The following IGSF11 variants were observed in gnomAD, a reference collection of about 807,000 sequenced individuals.
IGSF11 encodes CXADR like 1.
IGSF11 carries 22 observed loss-of-function variants against 41.0 expected under a neutral mutation model. The observed-to-expected ratio is 0.54, with a 90% CI of 0.38 to 0.77. The LOEUF (loss-of-function observed/expected upper bound fraction) is 0.77. Ranked by LOEUF, IGSF11 falls within the 30% of genes least tolerant of loss-of-function variation. The pLI, the probability that IGSF11 is intolerant of heterozygous loss-of-function variation, is 0.00. For missense variants in IGSF11, 444 were observed against 530.8 expected, an observed-to-expected ratio of 0.84 and a Z score of 1.61; for synonymous variants, 219 against 201.3, an observed-to-expected ratio of 1.09 and a Z score of -0.74.
At chr3:118,905,925 T>C (rs1939537547) in intron 4 of IGSF11, among the ~76,000 whole-genome samples, 1 of 152,158 alleles carries the variant, frequency 6.6e-6, no homozygotes, top group Non-Finnish European at 1.5e-5. Flanking sequence ...TTTGGAGCGC[T>C]GTCCTAAATC....
At chr3:119,073,497 C>T (rs1412982009) in intron 1 of IGSF11, among the ~76,000 whole-genome samples, 2 of 152,212 alleles carry the variant, frequency 1.3e-5, no homozygotes, top group Non-Finnish European at 1.5e-5. Context: ...CATGGGAGCC[C>T]ACCGTGGGGG....
intron 1 of IGSF11, among the ~76,000 whole-genome samples, chr3:118,991,242 T>A (rs1222045836): frequency 6.6e-6 from 1 of 152,192 alleles, no homozygotes; most frequent in Non-Finnish European, 1.5e-5. Context: ...ATATTCTGTA[T>A]CCCCACTAAC....
intron 3 of IGSF11, among the ~76,000 whole-genome samples, chr3:118,926,707 G>T (rs1226761514): frequency 1.3e-5 from 2 of 152,100 alleles, no homozygotes; most frequent in Non-Finnish European, 2.9e-5. Flanking sequence ...AACAAAAACT[G>T]GGCAGACCCA....
intron 1 of IGSF11, among the ~76,000 whole-genome samples, chr3:118,930,643 C>T (rs1942770476): frequency 1.3e-5 from 2 of 152,272 alleles, no homozygotes; most frequent in Admixed American, 1.3e-4. Context: ...AAATTAAATG[C>T]TTACATATAA....
Position 119,034,592 on chromosome 3 carries a change from G to T in IGSF11, c.-10C>A. On this transcript the variant is annotated 5_prime_UTR_variant, in exon 1 of 7. Transcript: ENST00000393775. ...AACGCTGAGAAGTCATCCCGGGGCCGCAGGGAGCGCGCCTGCCTCCTACCC... is the reference window on the plus strand; with the variant it reads ...AACGCTGAGAAGTCATCCCGGGGCCTCAGGGAGCGCGCCTGCCTCCTACCC... 3 of 1,584,456 alleles carry T rather than the reference G, an allele frequency of 1.9e-6. No homozygotes were observed. The highest frequency in any genetic ancestry group is 2.6e-6 in the Non-Finnish European group (3 of 1,166,940).
At chr3:118,926,894 G>GA (rs925838351) in intron 3 of IGSF11, among the ~76,000 whole-genome samples, 23 of 151,988 alleles carry the variant, frequency 1.5e-4, no homozygotes, top group African/African-American at 4.8e-4. Flanking sequence ...TAGTAACAAG[G>GA]AAAAAAACAA....
At chr3:119,057,252 G>A (rs1576743312) in intron 1 of IGSF11, among the ~76,000 whole-genome samples, 1 of 152,178 alleles carries the variant, frequency 6.6e-6, no homozygotes, top group African/African-American at 2.4e-5. Flanking sequence ...ATCTCCTTAA[G>A]CTCATAAGCA....
chr3:119,000,352 G>A (rs1005406680), intron 1 of IGSF11, among the ~76,000 whole-genome samples: 1 of 150,308 alleles, frequency 6.7e-6, no homozygotes, highest in African/African-American at 2.5e-5. Context: ...TGGAACTCCA[G>A]TCATATTTCC....
chr3:118,992,530 A>C (rs190136558), intron 1 of IGSF11, among the ~76,000 whole-genome samples: 1 of 152,362 alleles, frequency 6.6e-6, no homozygotes. Context: ...CTTCAAGACT[A>C]GCAGGGCACA....
chr3:119,051,146 T>G (rs985294937), intron 1 of IGSF11, among the ~76,000 whole-genome samples: 6 of 149,582 alleles, frequency 4.0e-5, no homozygotes, highest in Admixed American at 3.4e-4. Context: ...TAAAGTATAA[T>G]AATAATTAAT....
chr3:119,095,180 G>T (rs1316094637), intron 1 of IGSF11, among the ~76,000 whole-genome samples: 2 of 152,096 alleles, frequency 1.3e-5, no homozygotes, highest in Non-Finnish European at 2.9e-5. Context: ...ACACACTTGG[G>T]ATGGTTCATG....
chr3:119,027,873 A>T (rs916108186), intron 1 of IGSF11, among the ~76,000 whole-genome samples: 1 of 152,168 alleles, frequency 6.6e-6, no homozygotes, highest in Non-Finnish European at 1.5e-5. Flanking sequence ...TGTACCAATA[A>T]ATAAGTACAT....
At chr3:118,997,545 AC>A (rs1349747337) in intron 1 of IGSF11, among the ~76,000 whole-genome samples, 2 of 63,292 alleles carry the variant, frequency 3.2e-5, no homozygotes, top group Admixed American at 1.8e-4. Flanking sequence ...CAGCCACACC[AC>A]CCCCCTCCCC....
At chr3:118,907,293 T>C (rs766079298) in intron 4 of IGSF11, among the ~76,000 whole-genome samples, 4 of 152,214 alleles carry the variant, frequency 2.6e-5, no homozygotes, top group Non-Finnish European at 5.9e-5. Flanking sequence ...AATTCATTCA[T>C]TTAATAAATA....
intron 1 of IGSF11, among the ~76,000 whole-genome samples, chr3:118,979,709 A>G (rs1252604173): frequency 1.3e-5 from 2 of 152,250 alleles, no homozygotes; most frequent in East Asian, 3.8e-4. Flanking sequence ...CAGCTTCTGC[A>G]TAACAAAAGA....
intron 1 of IGSF11, among the ~76,000 whole-genome samples, chr3:118,971,530 C>A (rs867139462): frequency 3.9e-5 from 6 of 152,082 alleles, no homozygotes; most frequent in Non-Finnish European, 7.4e-5. Context: ...TTGGGCCGGG[C>A]GCAGTGGCTC....
chr3:118,921,699 C>T (rs544741856), intron 4 of IGSF11, among the ~76,000 whole-genome samples: 10 of 152,222 alleles, frequency 6.6e-5, no homozygotes, highest in Admixed American at 1.3e-4. Context: ...GTCTCCAGAA[C>T]TTACACTCTT....
intron 1 of IGSF11, among the ~76,000 whole-genome samples, chr3:119,047,588 T>C (rs909634599): frequency 1.3e-5 from 2 of 152,106 alleles, no homozygotes; most frequent in African/African-American, 4.8e-5. Flanking sequence ...GACAGACCAA[T>C]GAGACAGAAA....
At chr3:118,943,525 A>G (rs1943873906) in intron 1 of IGSF11, among the ~76,000 whole-genome samples, 1 of 152,226 alleles carries the variant, frequency 6.6e-6, no homozygotes, top group African/African-American at 2.4e-5. Flanking sequence ...TTACAATGAT[A>G]ACCCTCTAGC....
Sources: gnomAD v4.1 joint callset for allele counts (sites outside exome capture counted in the v4.1 genomes callset) on GRCh38, gnomAD v4.1.1 for gene constraint, MANE v1.5 for transcripts, NCBI Gene and HGNC (gene_info 2026-07-23, HGNC 2026-07-21) for gene names.